Variants in TRIM59 observed in about 807,000 individuals in gnomAD.
The protein encoded by TRIM59 is tripartite motif-containing protein 59.
TRIM59 carries 14 observed loss-of-function variants against 32.2 expected under a neutral mutation model. The observed-to-expected ratio is 0.43, with a 90% CI of 0.29 to 0.68. The LOEUF (loss-of-function observed/expected upper bound fraction) is 0.68. Ranked by LOEUF, TRIM59 falls within the 30% of genes least tolerant of loss-of-function variation. TRIM59 has a pLI of 0.15. For synonymous variants in TRIM59, 163 were observed against 155.1 expected (o/e 1.05, Z -0.38); for missense variants, 471 against 463.3 (o/e 1.02, Z -0.15).
intron 2 of TRIM59, among the ~76,000 whole-genome samples, chr3:160,442,267 A>G (rs898273206): frequency 6.6e-6 from 1 of 152,184 alleles, no homozygotes; most frequent in African/African-American, 2.4e-5. Flanking sequence ...TTAGGGGCCC[A>G]AAAGCTCAAC....
chr3:160,440,702 G>C (rs1719196799), intron 2 of TRIM59, among the ~76,000 whole-genome samples: 1 of 151,982 alleles, frequency 6.6e-6, no homozygotes, highest in African/African-American at 2.4e-5. Flanking sequence ...ACCTGAGGTT[G>C]GGAGTTTGAG....
chr3:160,437,252 G>T lies in TRIM59; in HGVS notation c.*720C>A. On this transcript the variant is annotated 3_prime_UTR_variant, in exon 3 of 3. Transcript: ENST00000309784. ...GTGCCTTGTCCCAGCTGCTCCAGAG[G>T]CAGAGGCGGGAGGATCGATTGAGCC... is the stretch of plus-strand genomic sequence containing the variant. 1.7e-6 allele frequency: 1 copy of T among 601,948 alleles called. No individual in the cohort carries two copies. Among genetic ancestry groups the T allele is most frequent in the Non-Finnish European group, 2.1e-6 (1 of 480,130 alleles). 37.3% of individuals were successfully genotyped at this position (601,948 alleles called of 1,614,324 possible). A position where few individuals can be genotyped will look rare whatever the true frequency, so the allele number is the denominator to read the frequency against.
chr3:160,442,111 C>T (rs55853078), intron 2 of TRIM59, among the ~76,000 whole-genome samples: 22,799 of 152,138 alleles, frequency 0.15, 2,171 homozygotes, highest in Non-Finnish European at 0.21. Flanking sequence ...TTTGAGCAGT[C>T]GACGTACATT....
chr3:160,436,917 A>G lies in TRIM59; in HGVS notation c.*1055T>C. 1.0e-6 allele frequency: 1 copy of G among 985,396 alleles called. No homozygotes were observed. The highest frequency in any genetic ancestry group is 1.2e-6 in the Non-Finnish European group (1 of 829,924). The allele number at this position is 985,396 out of a possible 1,614,324, so 61.0% of individuals were successfully genotyped here. ...TGAATAAAGTCCACATGATGCCATC[A>G]AAACCTGTTGCAGACCAAGTTACCA... is the stretch of plus-strand genomic sequence containing the variant. On this transcript the variant is annotated 3_prime_UTR_variant, in exon 3 of 3. Coordinates refer to ENST00000309784, the MANE Select transcript of TRIM59 (RefSeq NM_173084.3).
chr3:160,449,782 A>C lies in TRIM59; in HGVS notation c.-139T>G. 1 of 1,257,250 alleles carries C rather than the reference A, an allele frequency of 8.0e-7. No homozygotes were observed. The highest frequency in any genetic ancestry group is 1.0e-6 in the Non-Finnish European group (1 of 959,232). The allele number at this position is 1,257,250 out of a possible 1,614,324, so 77.9% of individuals were successfully genotyped here. On this transcript the variant is annotated 5_prime_UTR_variant, in exon 1 of 3. Transcript: ENST00000309784. Reference sequence around the variant, plus strand: ...ACACAGCGCCACGAGCTCCAGGCGGATGCTGAGAGCCGCCCCGAGTCCCCG... The same window carrying C: ...ACACAGCGCCACGAGCTCCAGGCGGCTGCTGAGAGCCGCCCCGAGTCCCCG...
rs1352796845 is a variant in TRIM59 at position 160,438,105 on chromosome 3, G to A, written c.1079C>T (p.Thr360Ile). Residue 360 changes from threonine to isoleucine, a missense_variant, in exon 3 of 3, where the codon ACT becomes ATT. Physicochemically the swap from Thr to Ile is moderately conservative, Grantham distance 89 (BLOSUM62 -1). Coordinates refer to ENST00000309784, the MANE Select transcript of TRIM59 (RefSeq NM_173084.3). ...QHIITFLSEITLIWFSEASLS... is the reference protein window; with the variant it reads ...QHIITFLSEIILIWFSEASLS... ...AGAGGCTTCAGAAAACCATATTAAA[G>A]TGATTTCACTTAAAAAGGTTATGAT... 3 of 1,612,648 alleles carry A rather than the reference G, an allele frequency of 1.9e-6. No individual in the cohort carries two copies. In the East Asian group the frequency reaches 6.7e-5, roughly 36 times the overall value.
chr3:160,445,558 G>T (rs1374677623), intron 2 of TRIM59, among the ~76,000 whole-genome samples: 1 of 152,080 alleles, frequency 6.6e-6, no homozygotes, highest in Non-Finnish European at 1.5e-5. Flanking sequence ...CGGACCACCT[G>T]AAGTCAGGAG....
At position 160,436,498 on chromosome 3, in the gene TRIM59, AT is replaced by A; in HGVS notation, c.*1473del. ...TAATTGGCCCTCTTAAGCAAAGCTA[AT>A]AAAAGATTAAGTTGTTGGGCCGGGC... is the stretch of plus-strand genomic sequence containing the variant. On this transcript the variant is annotated 3_prime_UTR_variant, in exon 3 of 3. Transcript: ENST00000309784. 1 of 985,828 alleles carries A rather than the reference AT, an allele frequency of 1.0e-6. No individual in the cohort carries two copies. The highest frequency in any genetic ancestry group is 1.2e-6 in the Non-Finnish European group (1 of 829,972). The allele number at this position is 985,828 out of a possible 1,614,324, so 61.1% of individuals were successfully genotyped here.
intron 2 of TRIM59, among the ~76,000 whole-genome samples, chr3:160,441,857 G>C (rs972604471): frequency 6.6e-6 from 1 of 151,820 alleles, no homozygotes; most frequent in Non-Finnish European, 1.5e-5. Flanking sequence ...GACTAAGCTT[G>C]AACTGTAGAG....
At position 160,438,204 on chromosome 3, in the gene TRIM59, A is replaced by T; in HGVS notation, c.980T>A (p.Leu327Ter). The T allele has an allele frequency of 5.6e-6, 9 of 1,612,880 alleles. No individual in the cohort carries two copies. The highest frequency in any genetic ancestry group is 7.6e-6 in the Non-Finnish European group (9 of 1,179,694). The change falls in exon 3 of 3, where the codon TTA (leucine) becomes TAA (stop). Residue 327 changes from leucine to a stop codon, truncating the protein, a stop_gained. Coordinates refer to ENST00000309784, the MANE Select transcript of TRIM59 (RefSeq NM_173084.3). LOFTEE classifies it high-confidence loss of function. ...PGKDEKEVEF[L>*]KILNIVVVTL... ...AACTACAACAATGTTTAAAATTTTT[A>T]AAAATTCAACTTCCTTTTCATCCTT...
rs1719726076 is a variant in TRIM59 at position 160,449,736 on chromosome 3, A to T, written c.-93T>A. On this transcript the variant is annotated 5_prime_UTR_variant, in exon 1 of 3. Coordinates refer to ENST00000309784, the MANE Select transcript of TRIM59 (RefSeq NM_173084.3). Reference sequence around the variant, plus strand: ...ACTCACCGCGGGGAGGAAGCGGACCAGGCAACTCCACAGCACGGAAACACA... The same window carrying T: ...ACTCACCGCGGGGAGGAAGCGGACCTGGCAACTCCACAGCACGGAAACACA... The T allele has an allele frequency of 7.8e-7, 1 of 1,289,912 alleles. No individual in the cohort carries two copies. Among genetic ancestry groups the T allele is most frequent in the Non-Finnish European group, 1.0e-6 (1 of 988,906 alleles). The allele number at this position is 1,289,912 out of a possible 1,614,324, so 79.9% of individuals were successfully genotyped here.
At position 160,435,774 on chromosome 3, in the gene TRIM59, TACCA is replaced by T. The variant is rs1330947221; in HGVS notation, c.*2194_*2197del. 4.6e-6 allele frequency: 2 copies of T among 432,816 alleles called. No individual in the cohort carries two copies. Among genetic ancestry groups the T allele is most frequent in the Non-Finnish European group, 9.0e-6 (2 of 222,994 alleles). The allele number at this position is 432,816 out of a possible 1,614,324, so 26.8% of individuals were successfully genotyped here. On this transcript the variant is annotated 3_prime_UTR_variant, in exon 3 of 3. Transcript: ENST00000309784. ...AGCATTCTTACAGATTACAAACCCTTACCAACATTAATCTTGGCCTACTTTAAAG... is the reference window on the plus strand; with the variant it reads ...AGCATTCTTACAGATTACAAACCCTTACATTAATCTTGGCCTACTTTAAAG...
At position 160,438,733 on chromosome 3, in the gene TRIM59, G is replaced by T; in HGVS notation, c.451C>A (p.Gln151Lys). Residue 151 changes from glutamine (Q) to lysine (K), a missense_variant, in exon 3 of 3, where the codon CAG (glutamine) becomes AAG (lysine). Transcript: ENST00000309784. ...TCTGTCCAGTGTGTGTCAGTCAACT[G>T]TTCAAGCAGTTTTTGAGGAGTGTCC... ...EKDTPQKLLEQLTDTHWTDLT... is the reference protein window; with the variant it reads ...EKDTPQKLLEKLTDTHWTDLT... The T allele has an allele frequency of 6.2e-7, 1 of 1,614,008 alleles. No individual in the cohort carries two copies.
Position 160,437,961 on chromosome 3 carries a change from G to A in TRIM59, c.*11C>T, listed in dbSNP as rs1016395285. ...AGAATAAGCCCATTTAAACAATTCA[G>A]GTTGACATTTTCAATGGGAAACTAT... On this transcript the variant is annotated 3_prime_UTR_variant, in exon 3 of 3. Transcript: ENST00000309784. 6 of 1,532,054 alleles carry A rather than the reference G, an allele frequency of 3.9e-6. No homozygotes were observed. The African/African-American group carries it at 8.3e-5, about 21-fold the overall frequency. 94.9% of individuals were successfully genotyped at this position (1,532,054 alleles called of 1,614,324 possible). A position where few individuals can be genotyped will look rare whatever the true frequency, so the allele number is the denominator to read the frequency against.
Position 160,436,745 on chromosome 3 carries a change from C to T in TRIM59, c.*1227G>A, listed in dbSNP as rs1718978306. The T allele has an allele frequency of 4.2e-5, 30 of 718,756 alleles. No homozygotes were observed. The South Asian group carries it at 1.5e-3, about 36-fold the overall frequency. The allele number at this position is 718,756 out of a possible 1,614,324, so 44.5% of individuals were successfully genotyped here. A position where few individuals can be genotyped will look rare whatever the true frequency, so the allele number is the denominator to read the frequency against. ...CCCGGGAGGCGGGGCTTGCAATGAG[C>T]CGAGATCACGCCACTGCACTCCAGC... On this transcript the variant is annotated 3_prime_UTR_variant, in exon 3 of 3. Coordinates refer to ENST00000309784, the MANE Select transcript of TRIM59 (RefSeq NM_173084.3).
Position 160,449,760 on chromosome 3 carries a change from C to T in TRIM59, c.-117G>A. ...CAGGCAACTCCACAGCACGGAAACA[C>T]AGCGCCACGAGCTCCAGGCGGATGC... On this transcript the variant is annotated 5_prime_UTR_variant, in exon 1 of 3. It adds an upstream start codon to the 5' untranslated region. Transcript: ENST00000309784. 7.8e-7 allele frequency: 1 copy of T among 1,284,640 alleles called. No homozygotes were observed. Among genetic ancestry groups the T allele is most frequent in the Non-Finnish European group, 1.0e-6 (1 of 984,182 alleles). 79.6% of individuals were successfully genotyped at this position (1,284,640 alleles called of 1,614,324 possible).
chr3:160,441,481 C>T (rs1034470966), intron 2 of TRIM59, among the ~76,000 whole-genome samples: 1 of 151,918 alleles, frequency 6.6e-6, no homozygotes, highest in East Asian at 1.9e-4. Flanking sequence ...AGGCCAGGTG[C>T]GGGGGCTCAC....
intron 2 of TRIM59, among the ~76,000 whole-genome samples, chr3:160,443,891 C>T (rs1449274617): frequency 2.6e-5 from 4 of 152,044 alleles, no homozygotes; most frequent in East Asian, 3.9e-4. Context: ...CCACCTGCCT[C>T]GACCTCCCAA....
At chr3:160,449,555 T>A (rs1719713059) in intron 1 of TRIM59, 162 bp downstream of exon 1, 1 of 1,278,566 alleles carries the variant, frequency 7.8e-7, no homozygotes, top group East Asian at 5.6e-5. Flanking sequence ...CAAACTCCAG[T>A]ATGGGACAAG....
Sources: allele counts gnomAD v4.1 joint callset (sites outside exome capture counted in the v4.1 genomes callset), GRCh38; gene constraint gnomAD v4.1.1; transcripts MANE v1.5; gene names NCBI Gene and HGNC (gene_info 2026-07-23, HGNC 2026-07-21).